Variants in CCDC149 observed in about 807,000 individuals in gnomAD.
The protein encoded by CCDC149 is coiled-coil domain containing 149, also known as coiled-coil domain-containing protein 149.
In CCDC149, 45 loss-of-function variants were observed where a neutral mutation model predicts 59.9. That is an observed-to-expected ratio of 0.75 (90% confidence interval 0.59 to 0.96). The LOEUF (loss-of-function observed/expected upper bound fraction) is 0.96, where lower values mean the gene tolerates loss of function less well. Among genes scored for constraint, CCDC149 ranks in the 40% least tolerant of loss-of-function variants. The probability of loss-of-function intolerance (pLI) is 0.00; values close to 1 mark genes in which losing one functional copy is unlikely to be tolerated. For synonymous variants in CCDC149, 245 were observed against 260.6 expected, an observed-to-expected ratio of 0.94 and a Z score of 0.58; for missense variants, 584 against 664.7, an observed-to-expected ratio of 0.88 and a Z score of 1.33.
intron 4 of CCDC149, among the ~76,000 whole-genome samples, chr4:24,848,484 G>A (rs1296350125): frequency 6.6e-6 from 1 of 152,024 alleles, no homozygotes; most frequent in South Asian, 2.1e-4. Context: ...CAGGAGAATC[G>A]CTTGAACCCG....
Position 24,931,829 on chromosome 4 carries a change from G to GTATATATATGTGTATATATATATA in CCDC149, c.-64-36712_-64-36711insTATATATATATACACATATATATA, listed in dbSNP as rs60585956. On this transcript the variant is annotated intron_variant, in intron 1 of 12. Transcript: ENST00000389609. ...CTCCCTTATATTGTATGGAGAGTATGTATATATATATATATATATATATGC... is the reference window on the plus strand; with the variant it reads ...CTCCCTTATATTGTATGGAGAGTATGTATATATATGTGTATATATATATATATATATATATATATATATATATGC... Among the ~76,000 whole-genome samples the GTATATATATGTGTATATATATATA allele has an allele frequency of 7.1e-4, 55 of 76,924 alleles. No homozygotes were observed. The East Asian group carries it at 0.01, about 15-fold the overall frequency. 50.5% of individuals were successfully genotyped at this position (76,924 alleles called of 152,430 possible). A position where few individuals can be genotyped will look rare whatever the true frequency, so the allele number is the denominator to read the frequency against.
At chr4:24,956,060 G>T (rs921492816) in intron 1 of CCDC149, among the ~76,000 whole-genome samples, 16 of 152,302 alleles carry the variant, frequency 1.1e-4, no homozygotes, top group African/African-American at 3.9e-4. Context: ...CGGTGGTTCT[G>T]AAATAATTGG....
At chr4:24,919,080 A>G (rs1014447667) in intron 1 of CCDC149, among the ~76,000 whole-genome samples, 1 of 152,174 alleles carries the variant, frequency 6.6e-6, no homozygotes, top group Non-Finnish European at 1.5e-5. Context: ...TTCTATATCC[A>G]CATATGACAC....
chr4:24,849,620 T>C (rs1007299514), intron 4 of CCDC149, among the ~76,000 whole-genome samples: 1 of 152,186 alleles, frequency 6.6e-6, no homozygotes, highest in Admixed American at 6.5e-5. Context: ...TTATGGCCCA[T>C]AGGGTTACAA....
intron 12 of CCDC149, among the ~76,000 whole-genome samples, chr4:24,814,730 C>A (rs1351360316): frequency 6.6e-6 from 1 of 152,214 alleles, no homozygotes; most frequent in Non-Finnish European, 1.5e-5. Flanking sequence ...GCCAGTGTCT[C>A]GGCAGCAAAG....
At chr4:24,972,287 T>TTTTTCTTTTCTTTTCTTTTC (rs200651666) in intron 1 of CCDC149, among the ~76,000 whole-genome samples, 1,830 of 142,716 alleles carry the variant, frequency 0.013, 51 homozygotes, top group African/African-American at 0.042. Context: ...AATTCTGACC[T>TTTTTCTTTTCTTTTCTTTTC]TTTTCTTTTC....
intron 11 of CCDC149, 127 bp from the exon 12 acceptor site, chr4:24,820,102 A>G: frequency 1.5e-6 from 1 of 647,280 alleles, no homozygotes; most frequent in African/African-American, 1.8e-5. Flanking sequence ...GAAGCCTGCT[A>G]CGACTGCTGA....
intron 1 of CCDC149, among the ~76,000 whole-genome samples, chr4:24,879,779 G>C (rs1719723189): frequency 6.6e-6 from 1 of 152,146 alleles, no homozygotes. Flanking sequence ...CTCCAGCCTA[G>C]GCCCACTAAA....
intron 1 of CCDC149, among the ~76,000 whole-genome samples, chr4:24,952,162 G>A (rs1456671919): frequency 6.6e-6 from 1 of 152,178 alleles, no homozygotes; most frequent in Non-Finnish European, 1.5e-5. Context: ...AAGCATACGT[G>A]TACACATCTG....
chr4:24,861,142 A>G (rs1041001737), intron 3 of CCDC149, among the ~76,000 whole-genome samples: 2 of 152,186 alleles, frequency 1.3e-5, no homozygotes, highest in African/African-American at 4.8e-5. Context: ...AAGTCACTAT[A>G]TGAAAAACAC....
At chr4:24,887,306 C>G (rs185303083) in intron 1 of CCDC149, among the ~76,000 whole-genome samples, 2,906 of 151,508 alleles carry the variant, frequency 0.019, 106 homozygotes, top group African/African-American at 0.067. Flanking sequence ...GGATGGGGTG[C>G]AGTCACTTCT....
downstream of CCDC149, among the ~76,000 whole-genome samples, chr4:24,804,258 C>T (rs141856427): frequency 2.0e-4 from 30 of 152,036 alleles, no homozygotes; most frequent in African/African-American, 3.9e-4. Flanking sequence ...TTTGGGAGGC[C>T]GAGGAAGGCA....
intron 1 of CCDC149, among the ~76,000 whole-genome samples, chr4:24,881,787 C>A (rs775319874): frequency 3.3e-5 from 5 of 152,178 alleles, no homozygotes; most frequent in Non-Finnish European, 5.9e-5. Flanking sequence ...ACATGCTTTA[C>A]CTGTATAATC....
chr4:24,910,564 A>G (rs1475869637), intron 1 of CCDC149, among the ~76,000 whole-genome samples: 5 of 152,200 alleles, frequency 3.3e-5, no homozygotes, highest in African/African-American at 9.6e-5. Flanking sequence ...TCTGTAGGCC[A>G]TACTCTAAGA....
At chr4:24,830,392 C>A (rs1716062905) in intron 9 of CCDC149, 1 of 152,216 alleles carries the variant, frequency 6.6e-6, no homozygotes, top group South Asian at 2.1e-4. Context: ...AACATTTAAA[C>A]CTTCTCCTGT....
At chr4:24,948,260 G>C (rs978139393) in intron 1 of CCDC149, among the ~76,000 whole-genome samples, 2 of 152,154 alleles carry the variant, frequency 1.3e-5, no homozygotes, top group Admixed American at 6.5e-5. Flanking sequence ...AGGTGACAAG[G>C]GTTCTAGGTT....
At chr4:24,907,873 T>C (rs981163646) in intron 1 of CCDC149, among the ~76,000 whole-genome samples, 2 of 152,182 alleles carry the variant, frequency 1.3e-5, no homozygotes, top group Non-Finnish European at 1.5e-5. Flanking sequence ...CTCGTCCTAG[T>C]TTCCGGTGGT....
chr4:24,912,849 T>G lies in CCDC149; in HGVS notation c.31A>C (p.Thr11Pro). Residue 11 changes from threonine (T) to proline (P), a missense_variant, in exon 1 of 13, where the codon ACT becomes CCT. By Grantham distance (38) the Thr-to-Pro change is conservative (BLOSUM62 -1). Coordinates refer to ENST00000635206, the MANE Select transcript of CCDC149 (RefSeq NM_001330643.2). ...ACCAGCCCCTGCCAGTCGCTCTCAG[T>G]CCGGTCGCCGTTCATGGCCTCCTCC... 3 of 1,379,420 alleles carry G rather than the reference T, an allele frequency of 2.2e-6. No homozygotes were observed. Among genetic ancestry groups the G allele is most frequent in the Non-Finnish European group, 2.9e-6 (3 of 1,052,282 alleles). The allele number at this position is 1,379,420 out of a possible 1,614,324, so 85.4% of individuals were successfully genotyped here.
At chr4:24,937,311 T>C (rs1722811701) in intron 1 of CCDC149, among the ~76,000 whole-genome samples, 2 of 152,196 alleles carry the variant, frequency 1.3e-5, no homozygotes, top group Non-Finnish European at 2.9e-5. Context: ...ACGAATGTCT[T>C]CCAAGCATTT....
Sources: allele counts gnomAD v4.1 joint callset (sites outside exome capture counted in the v4.1 genomes callset), GRCh38; gene constraint gnomAD v4.1.1; transcripts MANE v1.5; gene names NCBI Gene and HGNC (gene_info 2026-07-23, HGNC 2026-07-21).